GALNTL6: variants seen among roughly 807,000 people sequenced by gnomAD.
GALNTL6 encodes polypeptide N-acetylgalactosaminyltransferase like 6.
In GALNTL6, 46 loss-of-function variants were observed where a neutral mutation model predicts 73.7. That is an observed-to-expected ratio of 0.62 (90% confidence interval 0.49 to 0.80). The LOEUF (loss-of-function observed/expected upper bound fraction) is 0.80, where lower values mean the gene tolerates loss of function less well. GALNTL6 is among the 30% of genes least tolerant of loss of function. GALNTL6 has a pLI of 0.00. For synonymous variants in GALNTL6, 259 were observed against 263.7 expected (o/e 0.98, Z 0.17); for missense variants, 604 against 755.0 (o/e 0.80, Z 2.34).
chr4:172,678,862 C>T (rs1268897904), intron 5 of GALNTL6, among the ~76,000 whole-genome samples: 1 of 152,130 alleles, frequency 6.6e-6, no homozygotes, highest in Admixed American at 6.5e-5. Flanking sequence ...TTCTCCCACC[C>T]GTGATTTCAT....
intron 7 of GALNTL6, among the ~76,000 whole-genome samples, chr4:172,844,240 G>A (rs1743371190): frequency 6.6e-6 from 1 of 152,096 alleles, no homozygotes; most frequent in African/African-American, 2.4e-5. Flanking sequence ...GGAAGGGCTG[G>A]GAAAGGCACT....
intron 5 of GALNTL6, among the ~76,000 whole-genome samples, chr4:172,483,468 A>G (rs559087840): frequency 6.6e-6 from 1 of 152,350 alleles, no homozygotes; most frequent in South Asian, 2.1e-4. Flanking sequence ...AGAGTTCAGC[A>G]TAAATGAGTC....
chr4:172,830,587 G>A (rs1293093244), intron 7 of GALNTL6, among the ~76,000 whole-genome samples: 3 of 152,208 alleles, frequency 2.0e-5, no homozygotes, highest in Non-Finnish European at 4.4e-5. Flanking sequence ...ATCCAGGCCG[G>A]ATGCCCAACG....
rs190528205 is a variant in GALNTL6 at position 172,437,425 on chromosome 4, T to C, written c.553+88736T>C. ...TGTGAGGACCATAGATATAAGATAT[T>C]TTGGAGTGATAGGGACCAAACTAGA... On this transcript the variant is annotated intron_variant, in intron 5 of 12. Coordinates refer to ENST00000506823, the MANE Select transcript of GALNTL6 (RefSeq NM_001034845.3). Among the ~76,000 whole-genome samples the C allele has an allele frequency of 7.9e-5, 12 of 152,164 alleles. No homozygotes were observed. The East Asian group carries it at 2.1e-3, about 27-fold the overall frequency.
At position 172,800,629 on chromosome 4, in the gene GALNTL6, A is replaced by AT. The variant is rs537531420; in HGVS notation, c.554-8724dup. On this transcript the variant is annotated intron_variant, in intron 5 of 12. Transcript: ENST00000506823. ...ATAAAGTTTGTAATCTATATAGCCTATTTTTTTTGCAATACATAGAAAGTT... is the reference window on the plus strand; with the variant it reads ...ATAAAGTTTGTAATCTATATAGCCTATTTTTTTTTGCAATACATAGAAAGTT... Among the ~76,000 whole-genome samples the AT allele has an allele frequency of 2.4e-4, 37 of 151,866 alleles. No homozygotes were observed. The South Asian group carries it at 3.5e-3, about 14-fold the overall frequency.
chr4:172,054,121 A>C (rs1730953865), intron 2 of GALNTL6, among the ~76,000 whole-genome samples: 1 of 152,004 alleles, frequency 6.6e-6, no homozygotes, highest in African/African-American at 2.4e-5. Flanking sequence ...CTACACTTTA[A>C]CATATCTAGG....
chr4:172,742,061 C>G (rs1650649532), intron 5 of GALNTL6, among the ~76,000 whole-genome samples: 1 of 151,908 alleles, frequency 6.6e-6, no homozygotes, highest in Admixed American at 6.6e-5. Flanking sequence ...ACTAAAACAT[C>G]TCTCAGTTCT....
At chr4:171,960,688 T>TAA (rs201299722) in intron 2 of GALNTL6, among the ~76,000 whole-genome samples, 2,228 of 129,336 alleles carry the variant, frequency 0.017, 54 homozygotes, top group African/African-American at 0.055. Context: ...TGTCTTTATT[T>TAA]AAAAAAAAAA....
At chr4:171,993,698 T>G (rs1740406400) in intron 2 of GALNTL6, among the ~76,000 whole-genome samples, 1 of 151,696 alleles carries the variant, frequency 6.6e-6, no homozygotes, top group South Asian at 2.1e-4. Context: ...GAGGTCATAG[T>G]TAGTATTATG....
In GALNTL6 at chr4:172,729,898, C is replaced by T. The variant is rs369383635; in HGVS notation, c.554-79463C>T. Among the ~76,000 whole-genome samples the T allele has an allele frequency of 2.0e-4, 30 of 152,096 alleles. No homozygotes were observed. The East Asian group carries it at 4.1e-3, about 21-fold the overall frequency. ...CTTTCTGTTTTTTTGGTGTCCTCTT[C>T]AATTTCTTTTATCAGTATTTTGTAG... On this transcript the variant is annotated intron_variant, in intron 5 of 12. Coordinates refer to ENST00000506823, the MANE Select transcript of GALNTL6 (RefSeq NM_001034845.3).
At chr4:171,928,572 C>G (rs1280327488) in intron 2 of GALNTL6, among the ~76,000 whole-genome samples, 1 of 152,228 alleles carries the variant, frequency 6.6e-6, no homozygotes, top group Non-Finnish European at 1.5e-5. Context: ...ATCCTGTTAA[C>G]TTTCTCTTTC....
intron 8 of GALNTL6, among the ~76,000 whole-genome samples, chr4:172,918,618 T>C (rs1172590197): frequency 1.3e-5 from 2 of 152,118 alleles, no homozygotes; most frequent in Non-Finnish European, 2.9e-5. Context: ...TGGATATACA[T>C]CAACCACCTC....
chr4:172,408,521 T>A (rs1459086832), intron 5 of GALNTL6, among the ~76,000 whole-genome samples: 1 of 151,966 alleles, frequency 6.6e-6, no homozygotes, highest in Non-Finnish European at 1.5e-5. Context: ...AAATATAAAA[T>A]GTATAAAAAT....
chr4:172,908,051 G>A (rs993038891), intron 8 of GALNTL6, among the ~76,000 whole-genome samples: 2 of 152,142 alleles, frequency 1.3e-5, no homozygotes, highest in Non-Finnish European at 2.9e-5. Flanking sequence ...AGGCTATCAG[G>A]TGACCACAGG....
chr4:172,231,236 C>A (rs939300654), intron 3 of GALNTL6, among the ~76,000 whole-genome samples: 1 of 151,892 alleles, frequency 6.6e-6, no homozygotes, highest in Admixed American at 6.6e-5. Context: ...CTCCTTATGA[C>A]CCCAGGATGC....
chr4:172,137,681 A>G (rs1178750776), intron 2 of GALNTL6, among the ~76,000 whole-genome samples: 1 of 152,232 alleles, frequency 6.6e-6, no homozygotes, highest in Admixed American at 6.5e-5. Flanking sequence ...AGGGTAGGTA[A>G]GAAACCACAA....
At chr4:172,421,795 G>A (rs1008437295) in intron 5 of GALNTL6, among the ~76,000 whole-genome samples, 1 of 152,048 alleles carries the variant, frequency 6.6e-6, no homozygotes, top group African/African-American at 2.4e-5. Context: ...TAACAGGAGA[G>A]AGCTATATTG....
rs5864129 is a variant in GALNTL6, at chr4:172,357,634, TACACACAC to T, written c.553+8972_553+8979del. On this transcript the variant is annotated intron_variant, in intron 5 of 12. Coordinates refer to ENST00000506823, the MANE Select transcript of GALNTL6 (RefSeq NM_001034845.3). The stretch of plus-strand genomic sequence containing the variant: ...ATATATGTATATATATATAGATATA[TACACACAC>T]ACACACACACACACACACACACACA... Among the ~76,000 whole-genome samples the T allele has an allele frequency of 3.8e-3, 549 of 145,624 alleles. 3 individuals are homozygous for T. Among genetic ancestry groups the T allele is most frequent in the African/African-American group, 4.9e-3 (188 of 38,374 alleles).
intron 2 of GALNTL6, among the ~76,000 whole-genome samples, chr4:171,944,512 A>G (rs1009137481): frequency 2.0e-5 from 3 of 151,986 alleles, no homozygotes; most frequent in African/African-American, 7.2e-5. Flanking sequence ...AGTGATTTCT[A>G]CTGGTGTTTT....
Sources: gnomAD v4.1 joint callset for allele counts (sites outside exome capture counted in the v4.1 genomes callset) on GRCh38, gnomAD v4.1.1 for gene constraint, MANE v1.5 for transcripts, NCBI Gene and HGNC (gene_info 2026-07-23, HGNC 2026-07-21) for gene names.